EPC1: variants seen among roughly 807,000 people sequenced by gnomAD.
The protein encoded by EPC1 is enhancer of polycomb homolog 1.
EPC1 carries 12 observed loss-of-function variants against 98.4 expected under a neutral mutation model. The ratio of observed to expected loss-of-function variants is 0.12; its 90% confidence interval spans 0.08 to 0.20. The LOEUF (loss-of-function observed/expected upper bound fraction) is 0.20. Among genes scored for constraint, EPC1 ranks in the 10% least tolerant of loss-of-function variants. The pLI is 1.00. For missense variants in EPC1, 729 were observed against 990.5 expected (o/e 0.74, Z 3.54); for synonymous variants, 357 against 363.9 (o/e 0.98, Z 0.21).
At chr10:32,306,857 AACACACACAC>A (rs3029539) in intron 1 of EPC1, among the ~76,000 whole-genome samples, 2 of 149,642 alleles carry the variant, frequency 1.3e-5, no homozygotes, top group East Asian at 3.9e-4. Flanking sequence ...ATTAAATTCA[AACACACACAC>A]ACACACACAC....
chr10:32,358,668 A>G (rs1839354902), intron 1 of EPC1, among the ~76,000 whole-genome samples: 1 of 151,028 alleles, frequency 6.6e-6, no homozygotes, highest in Non-Finnish European at 1.5e-5. Context: ...GGGGGGAAGA[A>G]AGTGGGTTTA....
At chr10:32,307,542 C>T (rs1162581744) in intron 1 of EPC1, among the ~76,000 whole-genome samples, 4 of 152,090 alleles carry the variant, frequency 2.6e-5, no homozygotes, top group African/African-American at 9.7e-5. Context: ...TTTTCTTATT[C>T]ATACTCAATT....
intron 10 of EPC1, chr10:32,283,366 G>A (rs921824717): frequency 1.3e-5 from 2 of 152,132 alleles, no homozygotes; most frequent in African/African-American, 4.8e-5. Context: ...GTGAAGCCTG[G>A]AATGCAGTGG....
chr10:32,300,850 G>T (rs952470378), intron 2 of EPC1, among the ~76,000 whole-genome samples: 1 of 151,810 alleles, frequency 6.6e-6, no homozygotes, highest in African/African-American at 2.4e-5. Context: ...CATTTTTTTT[G>T]GAAGCTTAAT....
chr10:32,299,646 A>G (rs1360269954), intron 2 of EPC1, among the ~76,000 whole-genome samples: 1 of 152,016 alleles, frequency 6.6e-6, no homozygotes, highest in African/African-American at 2.4e-5. Flanking sequence ...ATTCTTGGCT[A>G]GGTTATTGCA....
At chr10:32,312,811 TAAGAAA>T (rs573471292) in intron 1 of EPC1, among the ~76,000 whole-genome samples, 180 of 152,210 alleles carry the variant, frequency 1.2e-3, no homozygotes, top group African/African-American at 3.6e-3. Context: ...TAACATTAAA[TAAGAAA>T]AAGTGGGATT....
rs773205725 is a variant in EPC1, at chr10:32,286,940, A to G, written c.1228T>C (p.Cys410Arg). 2.5e-6 allele frequency: 4 copies of G among 1,613,550 alleles called. No homozygotes were observed. The highest frequency in any genetic ancestry group is 2.2e-5 in the South Asian group (2 of 90,996). Residue 410 changes from cysteine to arginine, a missense_variant, in exon 8 of 14, where the codon TGT becomes CGT. Transcript: ENST00000319778. ...CTGAAACTTACAGCATAGTACTGACAGCCTGCTTTCCTACGGAAAGCAAAA... is the reference window on the plus strand; with the variant it reads ...CTGAAACTTACAGCATAGTACTGACGGCCTGCTTTCCTACGGAAAGCAAAA... The part of the protein sequence containing the change: ...GPFAFRRKAG[C>R]QYYAPHLDQT...
upstream of EPC1, among the ~76,000 whole-genome samples, chr10:32,351,891 C>T (rs548230586): frequency 6.0e-4 from 91 of 150,446 alleles, no homozygotes; most frequent in Middle Eastern, 3.4e-3. Context: ...CCATCACGCC[C>T]GGCTAATTTT....
At chr10:32,283,839 T>C (rs1216736573) in intron 10 of EPC1, 2 of 152,136 alleles carry the variant, frequency 1.3e-5, no homozygotes, top group African/African-American at 4.8e-5. Flanking sequence ...CTAACCCTCA[T>C]GTTGTTCAGG....
chr10:32,346,553 T>C (rs1592627427), intron 1 of EPC1: 2 of 570,620 alleles, frequency 3.5e-6, no homozygotes, highest in East Asian at 3.1e-5. Context: ...GTGGCCAGGG[T>C]CAGCGGGTGG....
chr10:32,328,845 T>C (rs1837464215), intron 1 of EPC1, among the ~76,000 whole-genome samples: 1 of 152,164 alleles, frequency 6.6e-6, no homozygotes, highest in Admixed American at 6.5e-5. Flanking sequence ...TCAACGTATA[T>C]TGGGTGTGGC....
At chr10:32,272,233 A>C (rs1298239233) in intron 11 of EPC1, 66 bp from the exon 12 acceptor site, 11 of 1,317,346 alleles carry the variant, frequency 8.4e-6, no homozygotes, top group Non-Finnish European at 1.1e-5. Flanking sequence ...TCAAAACTAC[A>C]CATGCATACC....
Position 32,296,230 on chromosome 10 carries a change from C to T in EPC1, c.314-2493G>A, listed in dbSNP as rs567983226. 3.5e-4 allele frequency among the ~76,000 whole-genome samples: 54 copies of T among 152,258 alleles called. 1 individual carries two copies. In the South Asian group the frequency reaches 0.011, roughly 30 times the overall value. On this transcript the variant is annotated intron_variant, in intron 2 of 13. Transcript: ENST00000319778. ...GATTACAGTCGTGAGCCACCGCGCC[C>T]GGCCAATGTTCTGCTTCTTAAGGTT...
At chr10:32,286,864 TATTTAA>T (rs1189971265) in intron 8 of EPC1, 22 bp from the exon 9 acceptor site, 3 of 1,610,548 alleles carry the variant, frequency 1.9e-6, no homozygotes, top group East Asian at 2.2e-5. Flanking sequence ...AAATCCAAAT[TATTTAA>T]TTTTGTCAGT....
chr10:32,325,786 G>GTT (rs111699361), intron 1 of EPC1, among the ~76,000 whole-genome samples: 23,209 of 149,338 alleles, frequency 0.16, 2,035 homozygotes, highest in South Asian at 0.33. Flanking sequence ...GTTTTTTGGT[G>GTT]TTTTTTTTTT....
chr10:32,323,069 A>C (rs185425565), intron 1 of EPC1, among the ~76,000 whole-genome samples: 53 of 152,320 alleles, frequency 3.5e-4, no homozygotes, highest in African/African-American at 1.1e-3. Flanking sequence ...ATCATTACAC[A>C]TTGTATGCTT....
intron 1 of EPC1, among the ~76,000 whole-genome samples, chr10:32,365,640 CCT>C (rs1468145705): frequency 1.3e-5 from 2 of 150,578 alleles, no homozygotes; most frequent in African/African-American, 2.5e-5. Flanking sequence ...TGGTGAAACC[CCT>C]GTCTCTACTA....
At chr10:32,363,471 C>T (rs1564567989) in intron 1 of EPC1, among the ~76,000 whole-genome samples, 1 of 152,112 alleles carries the variant, frequency 6.6e-6, no homozygotes, top group African/African-American at 2.4e-5. Context: ...GTTCTAATTA[C>T]CTTCATTTTA....
intron 1 of EPC1, among the ~76,000 whole-genome samples, chr10:32,310,801 G>A (rs1306118368): frequency 2.0e-5 from 3 of 152,068 alleles, no homozygotes; most frequent in South Asian, 2.1e-4. Context: ...TTGAACCCGG[G>A]AGACAGAGGC....
Sources: gnomAD v4.1 joint callset for allele counts (sites outside exome capture counted in the v4.1 genomes callset) on GRCh38, gnomAD v4.1.1 for gene constraint, MANE v1.5 for transcripts, NCBI Gene and HGNC (gene_info 2026-07-23, HGNC 2026-07-21) for gene names.